The following ANKRD45 variants were observed in gnomAD, a reference collection of about 807,000 sequenced individuals.
ANKRD45 encodes ankyrin repeat domain 45.
Under a neutral mutation model 28.1 loss-of-function variants are expected in ANKRD45, and 21 were observed. That is an observed-to-expected ratio of 0.75 (90% CI 0.53 to 1.08). The LOEUF (loss-of-function observed/expected upper bound fraction) is 1.08. Ranked by LOEUF, ANKRD45 falls within the 50% of genes least tolerant of loss-of-function variation. The pLI is 0.00. For synonymous variants in ANKRD45, 86 were observed against 103.9 expected (o/e 0.83, Z 1.05); for missense variants, 261 against 308.7 (o/e 0.85, Z 1.16).
chr1:173,629,060 G>A (rs1668071942), intron 3 of ANKRD45, among the ~76,000 whole-genome samples: 3 of 152,254 alleles, frequency 2.0e-5, no homozygotes, highest in Admixed American at 2.0e-4. Flanking sequence ...AAGTCTGCAA[G>A]AGCCACAGCG....
intron 3 of ANKRD45, among the ~76,000 whole-genome samples, chr1:173,640,508 T>C (rs188759286): frequency 6.6e-6 from 1 of 152,354 alleles, no homozygotes; most frequent in Non-Finnish European, 1.5e-5. Flanking sequence ...TCCTACCAAG[T>C]TGAAGTTAAA....
chr1:173,674,198 G>A (rs532154468), upstream of ANKRD45, among the ~76,000 whole-genome samples: 1 of 152,068 alleles, frequency 6.6e-6, no homozygotes, highest in East Asian at 1.9e-4. Flanking sequence ...ATTTTTTGTA[G>A]AGACAGGGTT....
chr1:173,618,911 G>A (rs1186595180), intron 5 of ANKRD45, among the ~76,000 whole-genome samples: 1 of 152,136 alleles, frequency 6.6e-6, no homozygotes, highest in Non-Finnish European at 1.5e-5. Flanking sequence ...ACCTACAACG[G>A]GTAACCCATC....
chr1:173,648,122 T>G (rs1269416032), intron 2 of ANKRD45, among the ~76,000 whole-genome samples: 1 of 152,254 alleles, frequency 6.6e-6, no homozygotes, highest in South Asian at 2.1e-4. Flanking sequence ...GTATTTTTAG[T>G]AGAGACAGGG....
intron 5 of ANKRD45, 103 bp downstream of exon 5, chr1:173,624,684 T>C: frequency 8.4e-7 from 1 of 1,195,220 alleles, no homozygotes; most frequent in Non-Finnish European, 1.2e-6. Context: ...TGTTAATAAC[T>C]ACTTAATGAA....
the ANKRD45 span, chr1:173,675,399 G>A: frequency 3.8e-6 from 1 of 259,922 alleles, no homozygotes; most frequent in African/African-American, 2.4e-5. Context: ...GATCACCTGA[G>A]GTCAGGAGTC....
At chr1:173,701,833 T>A in the ANKRD45 span, among the ~76,000 whole-genome samples, 1 of 151,952 alleles carries the variant, frequency 6.6e-6, no homozygotes, top group Non-Finnish European at 1.5e-5. Context: ...AAATAAAAAT[T>A]TAAAAATTAG....
the ANKRD45 span, among the ~76,000 whole-genome samples, chr1:173,698,722 G>T: frequency 6.6e-6 from 1 of 152,158 alleles, no homozygotes; most frequent in Non-Finnish European, 1.5e-5. Context: ...AAGCAGGAAT[G>T]ATCTGAAATC....
chr1:173,646,177 G>T (rs1192995067), intron 3 of ANKRD45, among the ~76,000 whole-genome samples: 1 of 152,138 alleles, frequency 6.6e-6, no homozygotes, highest in East Asian at 1.9e-4. Flanking sequence ...GGTTGTGGAA[G>T]TATATATGCA....
At chr1:173,654,625 T>C (rs1311547693) in intron 2 of ANKRD45, among the ~76,000 whole-genome samples, 1 of 152,238 alleles carries the variant, frequency 6.6e-6, no homozygotes, top group Non-Finnish European at 1.5e-5. Flanking sequence ...CTGAATTTCC[T>C]AAATTTGAAT....
chr1:173,646,764 A>T (rs1668950293), intron 3 of ANKRD45, 82 bp downstream of exon 3: 1 of 1,393,568 alleles, frequency 7.2e-7, no homozygotes, highest in African/African-American at 1.4e-5. Flanking sequence ...AACACTGTGA[A>T]AAAAGGTGAC....
At chr1:173,708,736 T>C in the ANKRD45 span, among the ~76,000 whole-genome samples, 2 of 152,252 alleles carry the variant, frequency 1.3e-5, no homozygotes. Context: ...GAATGTTTTA[T>C]AGTTTTCCCC....
intron 5 of ANKRD45, among the ~76,000 whole-genome samples, chr1:173,612,234 G>A (rs954383545): frequency 6.6e-6 from 1 of 151,338 alleles, no homozygotes; most frequent in Admixed American, 6.6e-5. Context: ...AACAGAGTGA[G>A]AGCCTGTCTT....
rs1261378139 is a variant in ANKRD45 at position 173,610,069 on chromosome 1, T to G, written c.*76A>C. The G allele has an allele frequency of 7.1e-7, 1 of 1,415,360 alleles. No homozygotes were observed. The highest frequency in any genetic ancestry group is 9.9e-7 in the Non-Finnish European group (1 of 1,010,182). The allele number at this position is 1,415,360 out of a possible 1,614,324, so 87.7% of individuals were successfully genotyped here. A position where few individuals can be genotyped will look rare whatever the true frequency, so the allele number is the denominator to read the frequency against. On this transcript the variant is annotated 3_prime_UTR_variant, in exon 6 of 6. Transcript: ENST00000333279. ...TACTTAAAGAAACCCACATCTGTTT[T>G]CTCGATTTCAAATGGCATGAATAGG... is the stretch of plus-strand genomic sequence containing the variant.
chr1:173,693,350 T>C, the ANKRD45 span, among the ~76,000 whole-genome samples: 1 of 152,216 alleles, frequency 6.6e-6, no homozygotes, highest in Non-Finnish European at 1.5e-5. Flanking sequence ...TTCTATTTTG[T>C]TATGTTATTC....
At chr1:173,622,066 A>G (rs2102321664) in intron 5 of ANKRD45, among the ~76,000 whole-genome samples, 1 of 152,308 alleles carries the variant, frequency 6.6e-6, no homozygotes, top group East Asian at 1.9e-4. Flanking sequence ...AATTGCTACA[A>G]AAAGAATAAA....
intron 3 of ANKRD45, among the ~76,000 whole-genome samples, chr1:173,633,350 A>AT (rs1668277191): frequency 6.6e-6 from 1 of 152,042 alleles, no homozygotes; most frequent in African/African-American, 2.4e-5. Context: ...TGAAGAGGAC[A>AT]TAAAAAATGG....
At chr1:173,650,847 CAAT>C (rs1459583906) in intron 2 of ANKRD45, among the ~76,000 whole-genome samples, 2 of 152,136 alleles carry the variant, frequency 1.3e-5, no homozygotes, top group African/African-American at 4.8e-5. Flanking sequence ...TGATGACCAA[CAAT>C]GATGAGTATT....
the ANKRD45 span, among the ~76,000 whole-genome samples, chr1:173,693,006 C>T: frequency 5.3e-5 from 8 of 150,736 alleles, no homozygotes; most frequent in Admixed American, 1.3e-4. Context: ...ATTTCTTGGC[C>T]GGTCATGGTG....
Sources: gnomAD v4.1 joint callset for allele counts (sites outside exome capture counted in the v4.1 genomes callset) on GRCh38, gnomAD v4.1.1 for gene constraint, MANE v1.5 for transcripts, NCBI Gene and HGNC (gene_info 2026-07-23, HGNC 2026-07-21) for gene names.